The following VWC2 variants were observed in gnomAD, a reference collection of about 807,000 sequenced individuals.
The protein encoded by VWC2 is von Willebrand factor C domain containing 2, also known as brorin.
In VWC2, 14 loss-of-function variants were observed where a neutral mutation model predicts 29.8. The observed-to-expected ratio is 0.47, with a 90% CI of 0.31 to 0.74. The LOEUF (loss-of-function observed/expected upper bound fraction) is 0.74, where lower values mean the gene tolerates loss of function less well. Among genes scored for constraint, VWC2 ranks in the 30% least tolerant of loss-of-function variants. The probability of loss-of-function intolerance (pLI) is 0.05; values close to 1 mark genes in which losing one functional copy is unlikely to be tolerated. For synonymous variants in VWC2, 213 were observed against 199.0 expected (o/e 1.07, Z -0.59); for missense variants, 457 against 459.8 (o/e 0.99, Z 0.05).
intron 3 of VWC2, among the ~76,000 whole-genome samples, chr7:49,894,978 T>G (rs903757135): frequency 2.0e-5 from 3 of 151,964 alleles, no homozygotes; most frequent in Non-Finnish European, 4.4e-5. Flanking sequence ...CAGTCAAGAG[T>G]GAGTTTTTGT....
chr7:49,875,870 T>G (rs1791393961), intron 3 of VWC2, among the ~76,000 whole-genome samples: 2 of 152,180 alleles, frequency 1.3e-5, no homozygotes, highest in Non-Finnish European at 2.9e-5. Context: ...GAATCCTGCT[T>G]GGTTTCTCAC....
In VWC2 at chr7:49,916,995, G is replaced by A. The variant is rs1793758697; in HGVS notation, c.*4810G>A. 6.6e-6 allele frequency: 1 copy of A among 152,186 alleles called. No homozygotes were observed. The highest frequency in any genetic ancestry group is 1.5e-5 in the Non-Finnish European group (1 of 68,014). The allele number at this position is 152,186 out of a possible 1,614,324, so 9.4% of individuals were successfully genotyped here. Reference sequence around the variant, plus strand: ...GAGACACTGGCCCTTTATGATAAAGGAAGTCAAGTTTACAGTTTTGATATT... The same window carrying A: ...GAGACACTGGCCCTTTATGATAAAGAAAGTCAAGTTTACAGTTTTGATATT... On this transcript the variant is annotated 3_prime_UTR_variant, in exon 4 of 4. Coordinates refer to ENST00000340652, the MANE Select transcript of VWC2 (RefSeq NM_198570.5).
chr7:49,816,562 T>C (rs1034558935), intron 3 of VWC2, among the ~76,000 whole-genome samples: 33 of 152,298 alleles, frequency 2.2e-4, no homozygotes, highest in African/African-American at 7.5e-4. Flanking sequence ...GAAGAGCACA[T>C]TGTAGCACCT....
chr7:49,817,204 C>T (rs2128708569), intron 3 of VWC2, among the ~76,000 whole-genome samples: 1 of 152,316 alleles, frequency 6.6e-6, no homozygotes, highest in South Asian at 2.1e-4. Flanking sequence ...CATTATTCAT[C>T]TGTTAAAAGC....
chr7:49,809,578 A>G (rs1319367413), intron 3 of VWC2, among the ~76,000 whole-genome samples: 1 of 152,044 alleles, frequency 6.6e-6, no homozygotes, highest in Non-Finnish European at 1.5e-5. Flanking sequence ...AAAGAAAGGT[A>G]GAAACAAATT....
chr7:49,782,252 T>C (rs1390763121), intron 2 of VWC2, among the ~76,000 whole-genome samples: 1 of 152,188 alleles, frequency 6.6e-6, no homozygotes, highest in Non-Finnish European at 1.5e-5. Flanking sequence ...GATTCACCCA[T>C]GCTCCTGTAA....
intron 3 of VWC2, among the ~76,000 whole-genome samples, chr7:49,847,663 G>A (rs1481620580): frequency 6.6e-6 from 1 of 152,238 alleles, no homozygotes. Context: ...AGAAGCTGAA[G>A]TAAAATATGA....
intron 2 of VWC2, 64 bp from the exon 3 acceptor site, chr7:49,802,647 T>C (rs373924190): frequency 1.2e-6 from 2 of 1,600,240 alleles, no homozygotes; most frequent in Non-Finnish European, 8.5e-7. Context: ...CAAAAAAATA[T>C]ATATGACCCT....
intron 2 of VWC2, among the ~76,000 whole-genome samples, chr7:49,795,769 A>G (rs1196618689): frequency 6.6e-6 from 1 of 152,096 alleles, no homozygotes; most frequent in Non-Finnish European, 1.5e-5. Context: ...GTATTTCTTG[A>G]GCTTGTTCAA....
At chr7:49,910,779 GAT>G (rs1346456281) in intron 3 of VWC2, among the ~76,000 whole-genome samples, 5 of 152,130 alleles carry the variant, frequency 3.3e-5, no homozygotes. Context: ...AACTGTGAAA[GAT>G]AGACTCCTGC....
chr7:49,807,782 A>G (rs1421936061), intron 3 of VWC2, among the ~76,000 whole-genome samples: 1 of 152,204 alleles, frequency 6.6e-6, no homozygotes, highest in African/African-American at 2.4e-5. Context: ...ACTTTTTAAA[A>G]TTCAGAATCT....
At chr7:49,811,868 T>C (rs990266566) in intron 3 of VWC2, among the ~76,000 whole-genome samples, 1 of 152,222 alleles carries the variant, frequency 6.6e-6, no homozygotes, top group Non-Finnish European at 1.5e-5. Context: ...CAAATGTTCC[T>C]AGCAGATTAT....
chr7:49,885,886 A>C (rs629285), intron 3 of VWC2, among the ~76,000 whole-genome samples: 2 of 152,172 alleles, frequency 1.3e-5, no homozygotes, highest in Admixed American at 1.3e-4. Flanking sequence ...GGCCCTTGGC[A>C]TGGCAGAGGA....
chr7:49,837,269 T>G (rs1468574715), intron 3 of VWC2, among the ~76,000 whole-genome samples: 1 of 152,232 alleles, frequency 6.6e-6, no homozygotes, highest in East Asian at 1.9e-4. Flanking sequence ...ATTTTGGATA[T>G]TGGCTTGAGG....
At position 49,810,929 on chromosome 7, in the gene VWC2, G is replaced by A. The variant is rs530005617; in HGVS notation, c.826+8089G>A. Among the ~76,000 whole-genome samples the A allele has an allele frequency of 7.9e-5, 12 of 152,086 alleles. 1 individual carries two copies. Among genetic ancestry groups the A allele is most frequent in the African/African-American group, 2.9e-4 (12 of 41,482 alleles). ...ATGTAACTTTTAGATTAAAAAGATA[G>A]GAGAACATCTTTATGACTATAGGTT... On this transcript the variant is annotated intron_variant, in intron 3 of 3. Transcript: ENST00000340652.
chr7:49,873,735 A>C (rs1459983756), intron 3 of VWC2, among the ~76,000 whole-genome samples: 1 of 152,194 alleles, frequency 6.6e-6, no homozygotes, highest in Non-Finnish European at 1.5e-5. Flanking sequence ...TTCAACATGT[A>C]TATTTGTTAA....
At chr7:49,901,631 T>C (rs189974791) in intron 3 of VWC2, among the ~76,000 whole-genome samples, 16 of 151,992 alleles carry the variant, frequency 1.1e-4, no homozygotes, top group African/African-American at 3.9e-4. Context: ...TGTTGAGCAA[T>C]AGATTCAACA....
chr7:49,865,773 C>T (rs534900951), intron 3 of VWC2, among the ~76,000 whole-genome samples: 1 of 152,308 alleles, frequency 6.6e-6, no homozygotes, highest in East Asian at 1.9e-4. Flanking sequence ...CCTGATCCAC[C>T]CACCTCCAAC....
intron 3 of VWC2, among the ~76,000 whole-genome samples, chr7:49,875,369 CAAAAAAAAAAAAAA>C (rs71018432): frequency 1.1e-4 from 2 of 19,016 alleles, no homozygotes; most frequent in Non-Finnish European, 1.7e-4. Context: ...GATTCTGACT[CAAAAAAAAAAAAAA>C]AAAAAAAAAA....
Sources: allele counts gnomAD v4.1 joint callset (sites outside exome capture counted in the v4.1 genomes callset), GRCh38; gene constraint gnomAD v4.1.1; transcripts MANE v1.5; gene names NCBI Gene and HGNC (gene_info 2026-07-23, HGNC 2026-07-21).